GAMT: variants seen among roughly 807,000 people sequenced by gnomAD.
GAMT encodes epididymis secretory protein Li 20.
Under a neutral mutation model 26.9 loss-of-function variants are expected in GAMT, and 26 were observed. The observed-to-expected ratio is 0.97, with a 90% CI of 0.71 to 1.34. The LOEUF is 1.34. Ranked by LOEUF, GAMT falls within the 40% of genes most tolerant of loss-of-function variation. The pLI is 0.00. For missense variants in GAMT, 412 were observed against 345.0 expected (o/e 1.19, Z -1.54); for synonymous variants, 169 against 149.6 (o/e 1.13, Z -0.95).
Position 1,401,417 on chromosome 19 carries a change from C to T in GAMT, c.60G>A (p.Trp20Ter). ...FAPGENCSPA[W>*]GAAPAAYDAA... is the part of the protein sequence containing the mutation. ...CGTCGTAGGCCGCGGGCGCCGCCCC[C>T]CACGCGGGGCTGCAGTTCTCGCCGG... Residue 20 changes from tryptophan (W) to a stop codon, truncating the protein, a stop_gained, in exon 1 of 6, where the codon TGG becomes TGA. Coordinates refer to ENST00000252288, the MANE Select transcript of GAMT (RefSeq NM_000156.6). LOFTEE classifies it high-confidence loss of function. 1 of 1,448,730 alleles carries T rather than the reference C, an allele frequency of 6.9e-7. No individual in the cohort carries two copies. Among genetic ancestry groups the T allele is most frequent in the Non-Finnish European group, 9.1e-7 (1 of 1,102,858 alleles). The allele number at this position is 1,448,730 out of a possible 1,614,324, so 89.7% of individuals were successfully genotyped here. A position where few individuals can be genotyped will look rare whatever the true frequency, so the allele number is the denominator to read the frequency against.
At chr19:1,401,234 G>T (rs2082631609) in intron 1 of GAMT, 62 bp downstream of exon 1, 6 of 1,299,222 alleles carry the variant, frequency 4.6e-6, no homozygotes, top group Non-Finnish European at 6.0e-6. Flanking sequence ...CCCGGGTCGG[G>T]GCAGCCCCGG....
Position 1,399,941 on chromosome 19 carries a change from G to A in GAMT, c.182-3C>T. ...GCCCACCTCCAGGACCCGGCCCCCT[G>A]GGCAGACACAGGGCGCCTGGCATCA... is the stretch of plus-strand genomic sequence containing the variant. On this transcript the variant is annotated splice_region_variant and splice_polypyrimidine_tract_variant and intron_variant, in intron 1 of 5. Coordinates refer to ENST00000252288, the MANE Select transcript of GAMT (RefSeq NM_000156.6). This position sits in a 1 kb window ranked among gnomAD's most constrained non-coding sequence, Gnocchi z 6.2. The A allele has an allele frequency of 6.2e-7, 1 of 1,605,280 alleles. No individual in the cohort carries two copies. The highest frequency in any genetic ancestry group is 1.3e-5 in the African/African-American group (1 of 74,966).
rs1457175740 is a variant in GAMT at position 1,399,853 on chromosome 19, G to A, written c.267C>T (p.Ile89=). Residue 89 remains isoleucine, a synonymous_variant, in exon 2 of 6, where the codon ATC becomes ATT. Transcript: ENST00000252288. The surrounding 1 kb of genome is among the most constrained non-coding windows in gnomAD (Gnocchi z 6.2). ...QEAPIDEHWI[I]ECNDGVFQRL... is the part of the protein sequence containing the mutation. ...GCTGGAAGACGCCGTCATTGCACTC[G>A]ATGATCCAATGCTCATCAATGGGCG... is the stretch of plus-strand genomic sequence containing the variant. 1.1e-5 allele frequency: 18 copies of A among 1,599,934 alleles called. No individual in the cohort carries two copies. Among genetic ancestry groups the A allele is most frequent in the East Asian group, 2.3e-5 (1 of 44,278 alleles).
Position 1,401,516 on chromosome 19 carries a change from G to C in GAMT, c.-40C>G, listed in dbSNP as rs2144641631. 7.8e-7 allele frequency: 1 copy of C among 1,275,634 alleles called. No homozygotes were observed. 79.0% of individuals were successfully genotyped at this position (1,275,634 alleles called of 1,614,324 possible). On this transcript the variant is annotated 5_prime_UTR_variant, in exon 1 of 6. Coordinates refer to ENST00000252288, the MANE Select transcript of GAMT (RefSeq NM_000156.6). ...GGCGACCCGACCTCGATCGCGCGCC[G>C]CCCGGGCCCGCTCCCTGCAGGGGCT...
chr19:1,399,238 G>C lies in GAMT; in HGVS notation c.392-43C>G. 4 of 1,603,152 alleles carry C rather than the reference G, an allele frequency of 2.5e-6. No individual in the cohort carries two copies. Among genetic ancestry groups the C allele is most frequent in the Non-Finnish European group, 3.4e-6 (4 of 1,171,030 alleles). On this transcript the variant is annotated intron_variant, in intron 3 of 5. Coordinates refer to ENST00000252288, the MANE Select transcript of GAMT (RefSeq NM_000156.6). This position sits in a 1 kb window ranked among gnomAD's most constrained non-coding sequence, Gnocchi z 6.2. ...GCCCACGCGGTCAGGGCCGGGCTCA[G>C]CGCCTCACCCAGCCTCACCCGGCTC...
chr19:1,399,750 C>T lies in GAMT; in HGVS notation c.327+43G>A, dbSNP rs1461157554. On this transcript the variant is annotated intron_variant, in intron 2 of 5. Transcript: ENST00000252288. This position sits in a 1 kb window ranked among gnomAD's most constrained non-coding sequence, Gnocchi z 6.2. Reference sequence around the variant, plus strand: ...ACCCCCAGGAAGCAGTGCCCTCACCCCAAGGAGTGGGGGTCCTGGAGGGCC... The same window carrying T: ...ACCCCCAGGAAGCAGTGCCCTCACCTCAAGGAGTGGGGGTCCTGGAGGGCC... 1.3e-6 allele frequency: 2 copies of T among 1,538,488 alleles called. No homozygotes were observed. Among genetic ancestry groups the T allele is most frequent in the East Asian group, 4.9e-5 (2 of 40,938 alleles).
In GAMT at chr19:1,398,973, G is replaced by A. The variant is rs748417607; in HGVS notation, c.513C>T (p.Leu171=). 6.2e-7 allele frequency: 1 copy of A among 1,613,498 alleles called. No individual in the cohort carries two copies. Among genetic ancestry groups the A allele is most frequent in the East Asian group, 2.2e-5 (1 of 44,884 alleles). The change falls in exon 5 of 6, where the codon CTC becomes CTT. Residue 171 remains leucine, a synonymous_variant. Transcript: ENST00000252288. Reference sequence around the variant, plus strand: ...ACTTCATCAGCTCCCCCCAGGAGGTGAGGTTGCAGTAGGTGAGGACGCCCC... The same window carrying A: ...ACTTCATCAGCTCCCCCCAGGAGGTAAGGTTGCAGTAGGTGAGGACGCCCC... ...KPGGVLTYCN[L]TSWGELMKSK... is the part of the protein sequence containing the mutation.
Position 1,399,586 on chromosome 19 carries a change from A to G in GAMT, c.329T>C (p.Val110Ala). 2.5e-6 allele frequency: 4 copies of G among 1,612,428 alleles called. No homozygotes were observed. Among genetic ancestry groups the G allele is most frequent in the Non-Finnish European group, 3.4e-6 (4 of 1,179,498 alleles). ...RDWAPRQTHK[V>A]IPLKGLWEDV... ...CTCCCACAGGCCTTTCAAGGGGATGACCTTGCAGAGGGGAAAAGAAAAAGA... is the reference window on the plus strand; with the variant it reads ...CTCCCACAGGCCTTTCAAGGGGATGGCCTTGCAGAGGGGAAAAGAAAAAGA... Residue 110 changes from valine to alanine, a missense_variant and splice_region_variant, in exon 3 of 6, where the codon GTC (valine) becomes GCC (alanine). Transcript: ENST00000252288. The surrounding 1 kb of genome is among the most constrained non-coding windows in gnomAD (Gnocchi z 6.2).
chr19:1,399,563 C>G lies in GAMT; in HGVS notation c.352G>C (p.Glu118Gln), dbSNP rs1478640776. The stretch of plus-strand genomic sequence containing the variant: ...TCAGGCAGGGTGGGTGCCACATCCT[C>G]CCACAGGCCTTTCAAGGGGATGACC... The part of the protein sequence containing the change: ...HKVIPLKGLW[E>Q]DVAPTLPDGH... The change falls in exon 3 of 6, where the codon GAG (glutamate) becomes CAG (glutamine). Residue 118 changes from glutamate (E) to glutamine (Q), a missense_variant. Physicochemically the swap from Glu to Gln is conservative, Grantham distance 29. Coordinates refer to ENST00000252288, the MANE Select transcript of GAMT (RefSeq NM_000156.6). This position sits in a 1 kb window ranked among gnomAD's most constrained non-coding sequence, Gnocchi z 6.2. The G allele has an allele frequency of 6.2e-7, 1 of 1,613,230 alleles. No homozygotes were observed. Among genetic ancestry groups the G allele is most frequent in the Admixed American group, 1.7e-5 (1 of 59,972 alleles).
chr19:1,401,308 C>T lies in GAMT; in HGVS notation c.169G>A (p.Ala57Thr), dbSNP rs1299828784. The change falls in exon 1 of 6, where the codon GCC becomes ACC. Residue 57 changes from alanine to threonine, a missense_variant. Ala to Thr is a moderately conservative substitution (Grantham distance 58). Coordinates refer to ENST00000252288, the MANE Select transcript of GAMT (RefSeq NM_000156.6). Reference protein sequence around the residue: ...TPYMHALAAAASSKGGRVLEV... With the variant: ...TPYMHALAAATSSKGGRVLEV... ...GGGCGGGGGCTACCTTTGGAGGAGG[C>T]GGCGGCGGCCAGCGCGTGCATATAG... is the stretch of plus-strand genomic sequence containing the variant. 6 of 1,506,438 alleles carry T rather than the reference C, an allele frequency of 4.0e-6. No individual in the cohort carries two copies. The highest frequency in any genetic ancestry group is 1.2e-5 in the South Asian group (1 of 80,006). 93.3% of individuals were successfully genotyped at this position (1,506,438 alleles called of 1,614,324 possible). A position where few individuals can be genotyped will look rare whatever the true frequency, so the allele number is the denominator to read the frequency against.
rs983170826 is a variant in GAMT at position 1,400,602 on chromosome 19, A to G, written c.182-664T>C. 3.3e-5 allele frequency among the ~76,000 whole-genome samples: 5 copies of G among 152,074 alleles called. No homozygotes were observed. In the East Asian group the frequency reaches 9.6e-4, roughly 29 times the overall value. Reference sequence around the variant, plus strand: ...GTTACTTTTCTCTCCCCCTCCCTCTATCCGAAAGTTGGATTTGCAAGAGTG... The same window carrying G: ...GTTACTTTTCTCTCCCCCTCCCTCTGTCCGAAAGTTGGATTTGCAAGAGTG... On this transcript the variant is annotated intron_variant, in intron 1 of 5. Transcript: ENST00000252288.
chr19:1,398,016 A>T (rs2082610385), intron 5 of GAMT: 2 of 1,032,712 alleles, frequency 1.9e-6, no homozygotes, highest in Admixed American at 1.0e-4. Flanking sequence ...GGAGGGGAAC[A>T]CGCAGGGCTT....
Position 1,397,216 on chromosome 19 carries a change from G to T in GAMT, c.*143C>A. 1.0e-6 allele frequency: 1 copy of T among 976,094 alleles called. No individual in the cohort carries two copies. The highest frequency in any genetic ancestry group is 1.5e-6 in the Non-Finnish European group (1 of 655,686). The allele number at this position is 976,094 out of a possible 1,614,324, so 60.5% of individuals were successfully genotyped here. A position where few individuals can be genotyped will look rare whatever the true frequency, so the allele number is the denominator to read the frequency against. On this transcript the variant is annotated 3_prime_UTR_variant, in exon 6 of 6. Transcript: ENST00000252288. ...GACACACAGCTGGGATCAGCCCTGG[G>T]CTGGTGGGACCCCTCACAGAGAAGC... is the stretch of plus-strand genomic sequence containing the variant.
At chr19:1,400,559 C>T (rs1192288111) in intron 1 of GAMT, among the ~76,000 whole-genome samples, 1 of 152,166 alleles carries the variant, frequency 6.6e-6, no homozygotes, top group Non-Finnish European at 1.5e-5. Context: ...TGTCCCGGGT[C>T]CCTTATCTCT....
chr19:1,399,183 T>C lies in GAMT; in HGVS notation c.404A>G (p.Asp135Gly). ...GGTCTCCTCCGAGAGTGGGTACGTG[T>C]CGTACAGGATCCCTGCACGGAGAAC... ...PDGHFDGILY[D>G]TYPLSEETWH... Residue 135 changes from aspartate to glycine, a missense_variant, in exon 4 of 6, where the codon GAC becomes GGC. Transcript: ENST00000252288. This position sits in a 1 kb window ranked among gnomAD's most constrained non-coding sequence, Gnocchi z 6.2. 1 of 1,613,528 alleles carries C rather than the reference T, an allele frequency of 6.2e-7. No homozygotes were observed. The highest frequency in any genetic ancestry group is 8.5e-7 in the Non-Finnish European group (1 of 1,179,986).
intron 5 of GAMT, chr19:1,397,920 C>G: frequency 9.2e-7 from 1 of 1,087,414 alleles, no homozygotes; most frequent in South Asian, 2.6e-5. Flanking sequence ...GAGCCCTTCT[C>G]AGATAGGCCG....
At position 1,397,430 on chromosome 19, in the gene GAMT, G is replaced by C. The variant is rs768418710; in HGVS notation, c.640C>G (p.Leu214Val). ...RENIRTEVMA[L>V]VPPADCRYYA... is the part of the protein sequence containing the mutation. ...TAGCGGCAGTCGGCCGGTGGGACCA[G>C]CGCCATCACCTCCGTACGGATGTTC... The change falls in exon 6 of 6, where the codon CTG becomes GTG. Residue 214 changes from leucine to valine, a missense_variant. Leu to Val is a conservative substitution (Grantham distance 32). Coordinates refer to ENST00000252288, the MANE Select transcript of GAMT (RefSeq NM_000156.6). 9 of 1,611,416 alleles carry C rather than the reference G, an allele frequency of 5.6e-6. No homozygotes were observed. Among genetic ancestry groups the C allele is most frequent in the Admixed American group, 3.3e-5 (2 of 60,024 alleles).
chr19:1,398,698 C>T (rs2144635661), intron 5 of GAMT: 1 of 1,516,196 alleles, frequency 6.6e-7, no homozygotes, highest in East Asian at 2.5e-5. Flanking sequence ...CCCACCTCGG[C>T]CTTCCACAGT....
At chr19:1,400,124 T>G (rs1452073753) in intron 1 of GAMT, among the ~76,000 whole-genome samples, 186 bp from the exon 2 acceptor site, 19 of 18,988 alleles carry the variant, frequency 1.0e-3, no homozygotes, top group Admixed American at 2.2e-3. Flanking sequence ...GAGGAGGGGG[T>G]GTGGGGCAAT....
Sources: allele counts gnomAD v4.1 joint callset (sites outside exome capture counted in the v4.1 genomes callset), GRCh38; gene constraint gnomAD v4.1.1; non-coding constraint Gnocchi (gnomAD v3.1); transcripts MANE v1.5; gene names NCBI Gene and HGNC (gene_info 2026-07-23, HGNC 2026-07-21).